Variants in HIVEP1 observed in about 807,000 individuals in gnomAD.
HIVEP1 encodes the protein HIVEP zinc finger 1, also known as zinc finger protein 40.
HIVEP1 carries 36 observed loss-of-function variants against 180.0 expected under a neutral mutation model. That is an observed-to-expected ratio of 0.20 (90% CI 0.15 to 0.26). The LOEUF is 0.26. HIVEP1 is among the 10% of genes least tolerant of loss of function. The pLI is 1.00. For synonymous variants in HIVEP1, 1,239 were observed against 1,239.0 expected (o/e 1.00, Z 0.00); for missense variants, 3,143 against 3,268.7 (o/e 0.96, Z 0.94).
At chr6:12,211,766 C>T in the HIVEP1 span, among the ~76,000 whole-genome samples, 3 of 152,168 alleles carry the variant, frequency 2.0e-5, no homozygotes, top group Non-Finnish European at 2.9e-5. Flanking sequence ...CTAGATGTCA[C>T]TTTAAGCCTA....
intron 2 of HIVEP1, among the ~76,000 whole-genome samples, chr6:12,043,869 C>G (rs544608564): frequency 5.3e-5 from 8 of 152,222 alleles, no homozygotes; most frequent in Non-Finnish European, 1.0e-4. Flanking sequence ...ATTTTAGTGT[C>G]TCTGTCCTCT....
At chr6:12,179,679 T>C in the HIVEP1 span, among the ~76,000 whole-genome samples, 1 of 152,188 alleles carries the variant, frequency 6.6e-6, no homozygotes, top group Non-Finnish European at 1.5e-5. Context: ...TGAAGGTGAG[T>C]ATCACTTACA....
intron 7 of HIVEP1, among the ~76,000 whole-genome samples, chr6:12,143,072 A>G (rs1208057290): frequency 1.3e-5 from 2 of 152,222 alleles, no homozygotes; most frequent in Non-Finnish European, 2.9e-5. Flanking sequence ...CCTGGCAGAG[A>G]CATAACAAAA....
chr6:12,150,152 T>C (rs1562002799), intron 7 of HIVEP1, among the ~76,000 whole-genome samples: 1 of 152,204 alleles, frequency 6.6e-6, no homozygotes, highest in Non-Finnish European at 1.5e-5. Flanking sequence ...ATCCCTCTGC[T>C]CCACTGCACA....
chr6:12,070,173 A>G (rs1771874893), intron 2 of HIVEP1, among the ~76,000 whole-genome samples: 2 of 152,214 alleles, frequency 1.3e-5, no homozygotes, highest in Admixed American at 6.5e-5. Flanking sequence ...AAAAATGAGT[A>G]GAAGGAGTAC....
At chr6:12,159,583 C>A (rs1266476113) in intron 7 of HIVEP1, among the ~76,000 whole-genome samples, 1 of 152,046 alleles carries the variant, frequency 6.6e-6, no homozygotes, top group African/African-American at 2.4e-5. Flanking sequence ...CGCAGAGTTG[C>A]CAAACCTATA....
At chr6:12,199,911 G>A in the HIVEP1 span, among the ~76,000 whole-genome samples, 1 of 152,184 alleles carries the variant, frequency 6.6e-6, no homozygotes, top group African/African-American at 2.4e-5. Context: ...CTGTGGTGGG[G>A]CACAGAAACC....
intron 2 of HIVEP1, among the ~76,000 whole-genome samples, chr6:12,061,147 A>G (rs1015666743): frequency 6.6e-6 from 1 of 152,140 alleles, no homozygotes; most frequent in African/African-American, 2.4e-5. Flanking sequence ...GGTGTGACGG[A>G]TGTGTTTGTG....
intron 2 of HIVEP1, among the ~76,000 whole-genome samples, chr6:12,053,827 T>TGA (rs1165094406): frequency 1.3e-5 from 2 of 152,238 alleles, no homozygotes; most frequent in African/African-American, 4.8e-5. Flanking sequence ...ATATGGTGGC[T>TGA]TTCAGCCCTT....
At chr6:12,099,773 G>A (rs1212150975) in intron 3 of HIVEP1, among the ~76,000 whole-genome samples, 4 of 151,544 alleles carry the variant, frequency 2.6e-5, no homozygotes, top group Admixed American at 2.6e-4. Flanking sequence ...AGAAAGGATG[G>A]ATTCCTTTAC....
Position 12,122,669 on chromosome 6 carries a change from G to A in HIVEP1, c.2874G>A (p.Met958Ile). 1 of 1,614,198 alleles carries A rather than the reference G, an allele frequency of 6.2e-7. No homozygotes were observed. The highest frequency in any genetic ancestry group is 8.5e-7 in the Non-Finnish European group (1 of 1,180,034). The change falls in exon 4 of 9, where the codon ATG becomes ATA. Residue 958 changes from methionine to isoleucine, a missense_variant. By Grantham distance (10) the Met-to-Ile change is conservative. Coordinates refer to ENST00000379388, the MANE Select transcript of HIVEP1 (RefSeq NM_002114.4). ...AGTCTCATCAAGGGCGAGGGACAAT[G>A]TTTGAGTGTGAAACTTGTAGAAACA... ...KKKSHQGRGT[M>I]FECETCRNRY...
chr6:12,077,149 A>G (rs541107788), intron 2 of HIVEP1, among the ~76,000 whole-genome samples: 1 of 152,300 alleles, frequency 6.6e-6, no homozygotes, highest in African/African-American at 2.4e-5. Flanking sequence ...GTGAGGCCTC[A>G]ATTATAACTG....
At chr6:12,131,987 A>G (rs1234640952) in intron 6 of HIVEP1, among the ~76,000 whole-genome samples, 1 of 152,146 alleles carries the variant, frequency 6.6e-6, no homozygotes, top group East Asian at 1.9e-4. Flanking sequence ...TAACAACTAC[A>G]TGCTTCAAAT....
intron 6 of HIVEP1, 85 bp downstream of exon 6, chr6:12,131,027 G>A (rs896370376): frequency 8.0e-5 from 72 of 900,540 alleles, no homozygotes; most frequent in Middle Eastern, 2.3e-4. Context: ...TTCTTTGACC[G>A]ATGAAATAGC....
At position 12,121,639 on chromosome 6, in the gene HIVEP1, G is replaced by T. The variant is rs760689832; in HGVS notation, c.1844G>T (p.Arg615Met). 1 of 1,614,100 alleles carries T rather than the reference G, an allele frequency of 6.2e-7. No homozygotes were observed. The highest frequency in any genetic ancestry group is 1.7e-5 in the Admixed American group (1 of 60,032). ...SANMSQGGVS[R>M]LETNENSHQK... ...AACATGTCCCAGGGTGGAGTCTCCA[G>T]GTTGGAGACTAATGAGAATTCCCAC... The change falls in exon 4 of 9, where the codon AGG (arginine) becomes ATG (methionine). Residue 615 changes from arginine (R) to methionine (M), a missense_variant. By Grantham distance (91) the Arg-to-Met change is moderately conservative. Around this residue, in one of 12 missense-constraint regions of HIVEP1, gnomAD observed 365 missense variants for 344.4 expected, o/e 1.06. Transcript: ENST00000379388. The surrounding 1 kb of genome is among the most constrained non-coding windows in gnomAD (Gnocchi z 5.3).
chr6:12,141,121 A>C (rs1758996694), intron 7 of HIVEP1, among the ~76,000 whole-genome samples: 1 of 152,200 alleles, frequency 6.6e-6, no homozygotes, highest in African/African-American at 2.4e-5. Flanking sequence ...GCCAGAGAGA[A>C]AGGTCGGGTC....
At chr6:12,149,389 G>A (rs973322019) in intron 7 of HIVEP1, among the ~76,000 whole-genome samples, 1 of 152,244 alleles carries the variant, frequency 6.6e-6, no homozygotes, top group South Asian at 2.1e-4. Flanking sequence ...GACACATTTG[G>A]GGGCTTAGTC....
chr6:12,210,988 A>G, the HIVEP1 span, among the ~76,000 whole-genome samples: 1 of 151,964 alleles, frequency 6.6e-6, no homozygotes. Context: ...TTTTACATAT[A>G]TATGTGGGAG....
chr6:12,202,246 C>T, the HIVEP1 span, among the ~76,000 whole-genome samples: 1 of 152,046 alleles, frequency 6.6e-6, no homozygotes, highest in Non-Finnish European at 1.5e-5. Context: ...CCTTGACCTC[C>T]CGGGGCTCAG....
Sources: allele counts gnomAD v4.1 joint callset (sites outside exome capture counted in the v4.1 genomes callset), GRCh38; gene constraint gnomAD v4.1.1; regional missense constraint gnomAD v4.1.1; non-coding constraint Gnocchi (gnomAD v3.1); transcripts MANE v1.5; gene names NCBI Gene and HGNC (gene_info 2026-07-23, HGNC 2026-07-21).